Variants in MOV10L1 observed in about 807,000 individuals in gnomAD.
MOV10L1 encodes the protein RNA helicase Mov10l1.
A neutral mutation model predicts 143.8 loss-of-function variants in MOV10L1; 110 were observed. The observed-to-expected ratio is 0.76, with a 90% confidence interval of 0.66 to 0.90. MOV10L1 has a LOEUF of 0.90. Among genes scored for constraint, MOV10L1 ranks in the 40% least tolerant of loss-of-function variants. The pLI is 0.00. For missense variants in MOV10L1, 1,406 were observed against 1,526.8 expected (o/e 0.92, Z 1.32); for synonymous variants, 593 against 581.1 (o/e 1.02, Z -0.29).
At chr22:50,135,356 G>C (rs951051953) in intron 15 of MOV10L1, among the ~76,000 whole-genome samples, 2 of 151,922 alleles carry the variant, frequency 1.3e-5, no homozygotes, top group African/African-American at 4.8e-5. Flanking sequence ...GTACACTTAG[G>C]TACATTTATG....
intron 13 of MOV10L1, among the ~76,000 whole-genome samples, chr22:50,130,501 G>A (rs190280829): frequency 1.3e-5 from 2 of 152,294 alleles, no homozygotes; most frequent in Non-Finnish European, 2.9e-5. Context: ...TAAGGCATTT[G>A]CCGATGAAAG....
In MOV10L1 at chr22:50,108,746, C is replaced by T. The variant is rs773060172; in HGVS notation, c.645C>T (p.Tyr215=). 17 of 1,614,172 alleles carry T rather than the reference C, an allele frequency of 1.1e-5. No individual in the cohort carries two copies. The highest frequency in any genetic ancestry group is 1.7e-5 in the Admixed American group (1 of 60,018). Residue 215 remains tyrosine (Y), a synonymous_variant, in exon 5 of 27, where the codon TAC becomes TAT. Coordinates refer to ENST00000262794, the MANE Select transcript of MOV10L1 (RefSeq NM_018995.3). Reference sequence around the variant, plus strand: ...ACTCCTTGAAACTGCCAGATGGGTACACACCCCGGAGAGGTGACGTGGTCA... The same window carrying T: ...ACTCCTTGAAACTGCCAGATGGGTATACACCCCGGAGAGGTGACGTGGTCA... ...TLDSLKLPDG[Y]TPRRGDVVNA...
intron 26 of MOV10L1, 99 bp downstream of exon 26, chr22:50,161,154 T>C: frequency 3.1e-6 from 4 of 1,289,616 alleles, no homozygotes; most frequent in Non-Finnish European, 4.5e-6. Flanking sequence ...CTTACCCACC[T>C]GCAGCCTTAG....
At chr22:50,156,336 G>A (rs756645191) in intron 22 of MOV10L1, among the ~76,000 whole-genome samples, 4 of 151,896 alleles carry the variant, frequency 2.6e-5, no homozygotes, top group African/African-American at 9.7e-5. Context: ...GGCTGGTCTC[G>A]AACTCTTGAC....
Position 50,159,025 on chromosome 22 carries a change from T to C in MOV10L1, c.3217-653T>C, listed in dbSNP as rs756164887. 1 of 152,178 alleles carries C rather than the reference T, an allele frequency of 6.6e-6. No homozygotes were observed. The highest frequency in any genetic ancestry group is 1.5e-5 in the Non-Finnish European group (1 of 68,050). The allele number at this position is 152,178 out of a possible 1,614,324, so 9.4% of individuals were successfully genotyped here. A position where few individuals can be genotyped will look rare whatever the true frequency, so the allele number is the denominator to read the frequency against. The stretch of plus-strand genomic sequence containing the variant: ...TAACCTCAGCTTGTAGGTGCCATCC[T>C]GCTGAGACATCCAGCTTAGAGCTGC... On this transcript the variant is annotated intron_variant, in intron 23 of 26. Transcript: ENST00000262794. This position sits in a 1 kb window ranked among gnomAD's most constrained non-coding sequence, Gnocchi z 4.1.
intron 7 of MOV10L1, 145 bp downstream of exon 7, chr22:50,114,767 C>A: frequency 8.0e-7 from 1 of 1,254,624 alleles, no homozygotes; most frequent in Non-Finnish European, 1.1e-6. Context: ...GGCTTCAGGC[C>A]CTTCTCTTGC....
intron 15 of MOV10L1, among the ~76,000 whole-genome samples, chr22:50,141,468 A>T (rs1602306079): frequency 1.3e-5 from 2 of 149,094 alleles, no homozygotes; most frequent in South Asian, 4.2e-4. Context: ...AGCTGGGACC[A>T]CAGGTGAGCA....
chr22:50,101,108 A>C (rs1205409899), intron 3 of MOV10L1, among the ~76,000 whole-genome samples: 1 of 152,142 alleles, frequency 6.6e-6, no homozygotes, highest in East Asian at 1.9e-4. Context: ...TGGAAGATGA[A>C]TAGAAGTTTT....
At chr22:50,106,322 A>ATTTT (rs1195723545) in intron 3 of MOV10L1, among the ~76,000 whole-genome samples, 1 of 82,108 alleles carries the variant, frequency 1.2e-5, no homozygotes, top group Non-Finnish European at 2.7e-5. Flanking sequence ...ACCCCAACTA[A>ATTTT]TTCTTTTTTT....
In MOV10L1 at chr22:50,143,035, GA is replaced by G. The variant is rs915846863; in HGVS notation, c.2180-6del. 10 of 1,613,136 alleles carry G rather than the reference GA, an allele frequency of 6.2e-6. No individual in the cohort carries two copies. The highest frequency in any genetic ancestry group is 7.6e-6 in the Non-Finnish European group (9 of 1,179,536). On this transcript the variant is annotated splice_region_variant and splice_polypyrimidine_tract_variant and intron_variant, in intron 16 of 26. Transcript: ENST00000262794. The stretch of plus-strand genomic sequence containing the variant: ...ATCTAACTGAAACTTTCTTCACTTT[GA>G]ATACAGTAGATGAAATTCAGACCCC...
intron 2 of MOV10L1, among the ~76,000 whole-genome samples, chr22:50,098,640 C>T (rs868772252): frequency 6.6e-6 from 1 of 152,008 alleles, no homozygotes; most frequent in African/African-American, 2.4e-5. Context: ...GTTTCATTTA[C>T]GTGTGTGGAA....
Position 50,098,259 on chromosome 22 carries a change from AT to A in MOV10L1, c.283-1183del, listed in dbSNP as rs1317457372. ...CTTAATAATAATTATTAAGATTAAC[AT>A]CTTAATAATCACATAATCACTTTGA... On this transcript the variant is annotated intron_variant, in intron 2 of 26. Transcript: ENST00000262794. 8.7e-3 allele frequency among the ~76,000 whole-genome samples: 750 copies of A among 85,892 alleles called. 5 individuals carry two copies. Among genetic ancestry groups the A allele is most frequent in the Non-Finnish European group, 0.018 (577 of 32,272 alleles). 56.3% of individuals were successfully genotyped at this position (85,892 alleles called of 152,430 possible). A position where few individuals can be genotyped will look rare whatever the true frequency, so the allele number is the denominator to read the frequency against.
chr22:50,160,876 C>T lies in MOV10L1; in HGVS notation c.3462+51C>T, dbSNP rs751865736. On this transcript the variant is annotated intron_variant, in intron 25 of 26. Transcript: ENST00000262794. Reference sequence around the variant, plus strand: ...TGTGATCACTTAAGGAGGGAGGGTCCGGGTCACTCGGGGTGAGACGTACGA... The same window carrying T: ...TGTGATCACTTAAGGAGGGAGGGTCTGGGTCACTCGGGGTGAGACGTACGA... 2.0e-5 allele frequency: 32 copies of T among 1,612,832 alleles called. No individual in the cohort carries two copies. The African/African-American group carries it at 2.5e-4, about 13-fold the overall frequency.
At chr22:50,101,600 C>T (rs548458909) in intron 3 of MOV10L1, among the ~76,000 whole-genome samples, 1 of 151,414 alleles carries the variant, frequency 6.6e-6, no homozygotes, top group Non-Finnish European at 1.5e-5. Context: ...TAACCTCCAC[C>T]TCCTGGATTC....
chr22:50,137,199 AC>A (rs746003137), intron 15 of MOV10L1, among the ~76,000 whole-genome samples: 3 of 152,058 alleles, frequency 2.0e-5, no homozygotes, highest in African/African-American at 7.2e-5. Context: ...ATTGGAACCA[AC>A]CCCCCCGAAA....
intron 1 of MOV10L1, chr22:50,090,544 C>G: frequency 6.3e-7 from 1 of 1,599,216 alleles, no homozygotes; most frequent in Non-Finnish European, 8.5e-7. Flanking sequence ...AAACGCGGCC[C>G]CGCAGACTTG....
At chr22:50,093,744 C>T (rs1174598847) in intron 2 of MOV10L1, 3 of 152,242 alleles carry the variant, frequency 2.0e-5, no homozygotes, top group Non-Finnish European at 4.4e-5. Context: ...CTCCTGGCCT[C>T]GAGTGGTCCT....
chr22:50,098,238 A>ATAATAATTATTAAGATTAACATCT (rs1569268496), intron 2 of MOV10L1, among the ~76,000 whole-genome samples: 12 of 148,630 alleles, frequency 8.1e-5, no homozygotes, highest in East Asian at 5.9e-4. Flanking sequence ...TAACATCTTA[A>ATAATAATTATTAAGATTAACATCT]TAATAATTAT....
At chr22:50,146,014 G>A (rs2063143393) in intron 19 of MOV10L1, among the ~76,000 whole-genome samples, 1 of 152,208 alleles carries the variant, frequency 6.6e-6, no homozygotes, top group Non-Finnish European at 1.5e-5. Context: ...GAAGGAGCCA[G>A]CAGTGGGATG....
Sources: gnomAD v4.1 joint callset for allele counts (sites outside exome capture counted in the v4.1 genomes callset) on GRCh38, gnomAD v4.1.1 for gene constraint, Gnocchi (gnomAD v3.1) non-coding constraint, MANE v1.5 for transcripts, NCBI Gene and HGNC (gene_info 2026-07-23, HGNC 2026-07-21) for gene names.